Variants in BAG3 observed in about 807,000 individuals in gnomAD.
BAG3 encodes the protein BAG cochaperone 3.
A neutral mutation model predicts 40.5 loss-of-function variants in BAG3; 14 were observed. The ratio of observed to expected loss-of-function variants is 0.35; its 90% CI spans 0.23 to 0.54. BAG3 has a LOEUF of 0.54. Ranked by LOEUF, BAG3 falls within the 20% of genes least tolerant of loss-of-function variation. The probability of loss-of-function intolerance (pLI) is 0.91; values close to 1 mark genes in which losing one functional copy is unlikely to be tolerated. For missense variants in BAG3, 788 were observed against 758.6 expected (o/e 1.04, Z -0.46); for synonymous variants, 302 against 307.8 (o/e 0.98, Z 0.20).
In BAG3 at chr10:119,651,870, C is replaced by T. The variant is rs557837780; in HGVS notation, c.180+15C>T. 1.1e-5 allele frequency: 17 copies of T among 1,539,438 alleles called. No individual in the cohort carries two copies. In the African/African-American group the frequency reaches 1.8e-4, roughly 17 times the overall value. On this transcript the variant is annotated intron_variant, in intron 1 of 3. Transcript: ENST00000369085. ...AGGGCCCCAAGGTGAGCCGGGCCCGCGGCCCGCCCTGGTCGGTGGCGCCAC... is the reference window on the plus strand; with the variant it reads ...AGGGCCCCAAGGTGAGCCGGGCCCGTGGCCCGCCCTGGTCGGTGGCGCCAC...
rs191924467 is a variant in BAG3, at chr10:119,659,701, C to G, written c.180+7846C>G. Reference sequence around the variant, plus strand: ...TACAGAATACACGTCCGCTGATGTCCTGTACACTGAGACCTAACAGGCACT... The same window carrying G: ...TACAGAATACACGTCCGCTGATGTCGTGTACACTGAGACCTAACAGGCACT... On this transcript the variant is annotated intron_variant, in intron 1 of 3. Coordinates refer to ENST00000369085, the MANE Select transcript of BAG3 (RefSeq NM_004281.4). Among the ~76,000 whole-genome samples, 8 of 152,334 alleles carry G rather than the reference C, an allele frequency of 5.3e-5. No individual in the cohort carries two copies. In the East Asian group the frequency reaches 7.7e-4, roughly 15 times the overall value.
chr10:119,657,448 G>C, intron 1 of BAG3: 1 of 450,040 alleles, frequency 2.2e-6, no homozygotes, highest in South Asian at 1.6e-5. Context: ...GCTGCCTCTT[G>C]ATGCCTGGCA....
intron 1 of BAG3, among the ~76,000 whole-genome samples, chr10:119,661,720 A>AC (rs2134057342): frequency 6.6e-6 from 1 of 152,178 alleles, no homozygotes; most frequent in South Asian, 2.1e-4. Context: ...TGGTTGGCAC[A>AC]CACCTCTTGT....
intron 1 of BAG3, among the ~76,000 whole-genome samples, chr10:119,658,765 TC>T (rs1164279218): frequency 6.6e-6 from 1 of 152,142 alleles, no homozygotes; most frequent in Non-Finnish European, 1.5e-5. Context: ...AGCCTCAGTC[TC>T]CCGTTGTGTG....
At chr10:119,667,852 G>C (rs1213325214) in intron 1 of BAG3, among the ~76,000 whole-genome samples, 2 of 152,244 alleles carry the variant, frequency 1.3e-5, no homozygotes, top group East Asian at 3.8e-4. Flanking sequence ...CAGCAAAAAT[G>C]ACACTGCAGG....
At chr10:119,657,359 T>C (rs749234135) in intron 1 of BAG3, 90 of 338,396 alleles carry the variant, frequency 2.7e-4, no homozygotes, top group Middle Eastern at 1.0e-3. Flanking sequence ...ATCTTTTTGC[T>C]TAAGCTCTGC....
At chr10:119,671,140 T>G (rs559721808) in intron 2 of BAG3, among the ~76,000 whole-genome samples, 2 of 152,088 alleles carry the variant, frequency 1.3e-5, no homozygotes, top group Non-Finnish European at 2.9e-5. Flanking sequence ...AAACCCCGTC[T>G]CTACAAAAAA....
intron 1 of BAG3, among the ~76,000 whole-genome samples, chr10:119,663,529 TG>T (rs1847020695): frequency 6.6e-6 from 1 of 152,110 alleles, no homozygotes; most frequent in Non-Finnish European, 1.5e-5. Flanking sequence ...CTCAAACTCC[TG>T]GGAATGGATC....
intron 1 of BAG3, among the ~76,000 whole-genome samples, chr10:119,664,340 CAGATTTTTA>C (rs1364871009): frequency 1.3e-5 from 2 of 152,140 alleles, no homozygotes; most frequent in Admixed American, 6.5e-5. Context: ...TCAGATTTTT[CAGATTTTTA>C]ATGCAATGCA....
chr10:119,669,812 G>T lies in BAG3; in HGVS notation c.181-39G>T, dbSNP rs200883196. On this transcript the variant is annotated intron_variant, in intron 1 of 3. Transcript: ENST00000369085. ...CTCTGCCAGGAGGGTTCACTTCCCAGTTTCTAACCAGCCTGTGTTTCTCCA... is the reference window on the plus strand; with the variant it reads ...CTCTGCCAGGAGGGTTCACTTCCCATTTTCTAACCAGCCTGTGTTTCTCCA... 2.6e-5 allele frequency: 42 copies of T among 1,598,118 alleles called. No homozygotes were observed. The African/African-American group carries it at 4.8e-4, about 18-fold the overall frequency.
Position 119,676,654 on chromosome 10 carries a change from C to T in BAG3, c.1100C>T (p.Pro367Leu), listed in dbSNP as rs786205347. The part of the protein sequence containing the change: ...PPSEKVEVKV[P>L]PAPVPCPPPS... ...TCTGAGAAGGTAGAGGTGAAAGTTC[C>T]CCCTGCTCCAGTTCCTTGTCCTCCT... The change falls in exon 4 of 4, where the codon CCC (proline) becomes CTC (leucine). Residue 367 changes from proline (P) to leucine (L), a missense_variant. By Grantham distance (98) the Pro-to-Leu change is moderately conservative. Transcript: ENST00000369085. The T allele has an allele frequency of 1.2e-6, 2 of 1,614,172 alleles. No homozygotes were observed. The highest frequency in any genetic ancestry group is 8.5e-7 in the Non-Finnish European group (1 of 1,180,032).
At chr10:119,670,638 G>A (rs1847137966) in intron 2 of BAG3, among the ~76,000 whole-genome samples, 1 of 152,176 alleles carries the variant, frequency 6.6e-6, no homozygotes. Flanking sequence ...CGCTTGTGGA[G>A]CTATGTTGAC....
chr10:119,671,412 C>T (rs1179188330), intron 2 of BAG3, among the ~76,000 whole-genome samples: 2 of 152,210 alleles, frequency 1.3e-5, no homozygotes, highest in African/African-American at 4.8e-5. Context: ...TAACAAAGCA[C>T]TTAGAAGAGG....
In BAG3 at chr10:119,676,548, CTCCCTCCTGGACACA is replaced by C; in HGVS notation, c.999_1013del (p.Pro334_Pro338del). ...TAAGCCAGGCCCAGTTGGACCAGAA[CTCCCTCCTGGACACA>C]TCCCAATTCAAGTGATCCGCAAAGA... On this transcript the variant is annotated inframe_deletion, in exon 4 of 4. Transcript: ENST00000369085. 6.2e-7 allele frequency: 1 copy of C among 1,614,068 alleles called. No individual in the cohort carries two copies. The highest frequency in any genetic ancestry group is 8.5e-7 in the Non-Finnish European group (1 of 1,180,020).
chr10:119,674,896 A>T (rs570048447), intron 3 of BAG3, among the ~76,000 whole-genome samples: 27 of 152,200 alleles, frequency 1.8e-4, no homozygotes, highest in South Asian at 8.3e-4. Context: ...GATTGCTTGA[A>T]CTTGGGAGGC....
intron 1 of BAG3, among the ~76,000 whole-genome samples, chr10:119,666,351 C>T (rs1480265198): frequency 6.6e-6 from 1 of 152,202 alleles, no homozygotes; most frequent in East Asian, 1.9e-4. Flanking sequence ...TCCCACCACT[C>T]TTCTGACACC....
At chr10:119,665,284 C>T (rs532653859) in intron 1 of BAG3, among the ~76,000 whole-genome samples, 1 of 151,194 alleles carries the variant, frequency 6.6e-6, no homozygotes. Flanking sequence ...CTACAGGTGC[C>T]TGCCACCATG....
At chr10:119,658,415 GAATT>G (rs969354928) in intron 1 of BAG3, among the ~76,000 whole-genome samples, 11 of 152,218 alleles carry the variant, frequency 7.2e-5, no homozygotes, top group Non-Finnish European at 1.5e-4. Context: ...TGGTGACTCA[GAATT>G]AAGCTGAGTG....
chr10:119,658,119 G>A (rs1846938579), intron 1 of BAG3, among the ~76,000 whole-genome samples: 1 of 152,208 alleles, frequency 6.6e-6, no homozygotes, highest in African/African-American at 2.4e-5. Flanking sequence ...CTTCCTCAGT[G>A]TTTATTAAAG....
Sources: allele counts gnomAD v4.1 joint callset (sites outside exome capture counted in the v4.1 genomes callset), GRCh38; gene constraint gnomAD v4.1.1; transcripts MANE v1.5; gene names NCBI Gene and HGNC (gene_info 2026-07-23, HGNC 2026-07-21).